The following MCUB variants were observed in gnomAD, a reference collection of about 807,000 sequenced individuals.
MCUB encodes calcium uniporter regulatory subunit MCUb, mitochondrial.
A neutral mutation model predicts 41.4 loss-of-function variants in MCUB; 46 were observed. The ratio of observed to expected loss-of-function variants is 1.11; its 90% CI spans 0.88 to 1.42. The LOEUF is 1.42. MCUB is among the 40% of genes most tolerant of loss of function. The pLI is 0.00. For missense variants in MCUB, 403 were observed against 404.9 expected (o/e 1.00, Z 0.04); for synonymous variants, 148 against 148.2 (o/e 1.00, Z 0.01).
At chr4:109,587,366 C>A (rs1037587143) in intron 1 of MCUB, among the ~76,000 whole-genome samples, 1 of 152,234 alleles carries the variant, frequency 6.6e-6, no homozygotes, top group African/African-American at 2.4e-5. Context: ...CCGTCTGTCA[C>A]GGCTTCCGTT....
At chr4:109,669,500 T>TA (rs1015371318) in intron 4 of MCUB, among the ~76,000 whole-genome samples, 38 of 152,296 alleles carry the variant, frequency 2.5e-4, no homozygotes, top group African/African-American at 8.9e-4. Context: ...TGTGTAGTTT[T>TA]CTCTTGGCAT....
At chr4:109,605,627 G>A (rs896690624) in intron 1 of MCUB, among the ~76,000 whole-genome samples, 12 of 152,168 alleles carry the variant, frequency 7.9e-5, no homozygotes, top group Admixed American at 2.0e-4. Context: ...AAAGTATGGC[G>A]TTGAAGTCTC....
intron 4 of MCUB, among the ~76,000 whole-genome samples, chr4:109,672,304 A>C (rs13103167): frequency 0.31 from 47,177 of 151,962 alleles, 7,526 homozygotes; most frequent in East Asian, 0.46. Context: ...CCTCCTGCCC[A>C]AAGCAGGGAG....
intron 1 of MCUB, among the ~76,000 whole-genome samples, chr4:109,579,350 A>C (rs1475776453): frequency 1.3e-5 from 2 of 152,074 alleles, no homozygotes; most frequent in African/African-American, 4.8e-5. Context: ...CCTGGGTTCA[A>C]GCGATTCTCC....
intron 1 of MCUB, among the ~76,000 whole-genome samples, chr4:109,615,801 A>G (rs951553841): frequency 1.3e-5 from 2 of 152,192 alleles, no homozygotes; most frequent in Non-Finnish European, 2.9e-5. Context: ...AATCAAAAAG[A>G]GTCTTCCTTT....
Position 109,687,672 on chromosome 4 carries a change from A to C in MCUB, c.*80A>C. 1.2e-6 allele frequency: 1 copy of C among 814,960 alleles called. No homozygotes were observed. The allele number at this position is 814,960 out of a possible 1,614,324, so 50.5% of individuals were successfully genotyped here. A position where few individuals can be genotyped will look rare whatever the true frequency, so the allele number is the denominator to read the frequency against. ...AGGATGTTTTTGAGTCCCATGGTTC[A>C]TTTTGATTGTTTAATCTTTGTTATT... On this transcript the variant is annotated 3_prime_UTR_variant, in exon 8 of 8. Coordinates refer to ENST00000394650, the MANE Select transcript of MCUB (RefSeq NM_017918.5).
chr4:109,610,550 A>G (rs1463768512), intron 1 of MCUB, among the ~76,000 whole-genome samples: 5 of 152,266 alleles, frequency 3.3e-5, no homozygotes, highest in Non-Finnish European at 7.4e-5. Flanking sequence ...TTGATCTTAG[A>G]TCTGCTGTTC....
At chr4:109,572,661 AT>A (rs932400246) in intron 1 of MCUB, among the ~76,000 whole-genome samples, 69 of 150,004 alleles carry the variant, frequency 4.6e-4, no homozygotes, top group African/African-American at 1.7e-3. Context: ...ATGACTTCAT[AT>A]AATGAAGTCA....
chr4:109,571,520 TC>T (rs1206912809), intron 1 of MCUB, among the ~76,000 whole-genome samples: 1 of 152,124 alleles, frequency 6.6e-6, no homozygotes, highest in East Asian at 1.9e-4. Context: ...ACCATATTGG[TC>T]GCCCTGGTCT....
rs545692374 is a variant in MCUB at position 109,615,470 on chromosome 4, A to G, written c.100-43541A>G. ...TCCCAGGCTGGAGTGCAGTGGTGCG[A>G]TCTCGGCTCACTGCAACCTCCGTCT... On this transcript the variant is annotated intron_variant, in intron 1 of 7. Coordinates refer to ENST00000394650, the MANE Select transcript of MCUB (RefSeq NM_017918.5). Among the ~76,000 whole-genome samples, 5 of 148,114 alleles carry G rather than the reference A, an allele frequency of 3.4e-5. No homozygotes were observed. In the East Asian group the frequency reaches 6.0e-4, roughly 18 times the overall value.
intron 5 of MCUB, among the ~76,000 whole-genome samples, chr4:109,683,493 A>G (rs948573670): frequency 1.3e-5 from 2 of 152,152 alleles, no homozygotes; most frequent in African/African-American, 4.8e-5. Flanking sequence ...TTTAAAATCT[A>G]AAGTTTTCCT....
Position 109,679,787 on chromosome 4 carries a change from T to TTTGTTG in MCUB, c.452-2771_452-2766dup, listed in dbSNP as rs377253519. On this transcript the variant is annotated intron_variant, in intron 4 of 7. Coordinates refer to ENST00000394650, the MANE Select transcript of MCUB (RefSeq NM_017918.5). ...TTTCTCTCCCGCTTTGAGGTATAATTTTGTTGTTGTTGTTGTTGTTGTTGT... is the reference window on the plus strand; with the variant it reads ...TTTCTCTCCCGCTTTGAGGTATAATTTTGTTGTTGTTGTTGTTGTTGTTGTTGTTGT... Among the ~76,000 whole-genome samples, 298 of 151,670 alleles carry TTTGTTG rather than the reference T, an allele frequency of 2.0e-3. 1 individual carries two copies. The highest frequency in any genetic ancestry group is 6.5e-3 in the African/African-American group (267 of 41,248).
intron 1 of MCUB, among the ~76,000 whole-genome samples, chr4:109,598,868 T>C (rs2126130526): frequency 6.6e-6 from 1 of 152,304 alleles, no homozygotes; most frequent in Non-Finnish European, 1.5e-5. Flanking sequence ...ATTGTGAAAA[T>C]ATATCCATAG....
chr4:109,606,363 A>G (rs558231520), intron 1 of MCUB, among the ~76,000 whole-genome samples: 104 of 152,016 alleles, frequency 6.8e-4, no homozygotes, highest in Non-Finnish European at 1.2e-3. Context: ...GTTATTATTG[A>G]TAAGTAAGGA....
intron 1 of MCUB, among the ~76,000 whole-genome samples, chr4:109,580,947 A>G (rs1286513719): frequency 2.0e-5 from 3 of 152,150 alleles, no homozygotes; most frequent in Non-Finnish European, 4.4e-5. Context: ...GAAAATGGCC[A>G]TACTGCCCAA....
chr4:109,655,773 G>A (rs192559657), intron 1 of MCUB, among the ~76,000 whole-genome samples: 394 of 152,216 alleles, frequency 2.6e-3, no homozygotes, highest in Middle Eastern at 0.01. Flanking sequence ...TGGTGGTGGG[G>A]GTTGTGGGGA....
At chr4:109,683,633 G>C (rs1729766198) in intron 5 of MCUB, among the ~76,000 whole-genome samples, 1 of 152,096 alleles carries the variant, frequency 6.6e-6, no homozygotes, top group African/African-American at 2.4e-5. Flanking sequence ...ACACTATTAT[G>C]CACTATTCTC....
At chr4:109,602,405 GGTTTA>G (rs1336896993) in intron 1 of MCUB, among the ~76,000 whole-genome samples, 1 of 152,148 alleles carries the variant, frequency 6.6e-6, no homozygotes, top group Admixed American at 6.5e-5. Flanking sequence ...AAGAAATAGG[GGTTTA>G]GTTTCATTCT....
intron 1 of MCUB, among the ~76,000 whole-genome samples, chr4:109,632,633 T>TTA: frequency 6.6e-6 from 1 of 150,892 alleles, no homozygotes; most frequent in South Asian, 2.1e-4. Flanking sequence ...TTTTTTTTTT[T>TTA]AAGGTGGAGT....
Sources: allele counts gnomAD v4.1 joint callset (sites outside exome capture counted in the v4.1 genomes callset), GRCh38; gene constraint gnomAD v4.1.1; transcripts MANE v1.5; gene names NCBI Gene and HGNC (gene_info 2026-07-23, HGNC 2026-07-21).